Variants in RYR2 observed in about 807,000 individuals in gnomAD.
The protein encoded by RYR2 is ryanodine receptor 2.
In RYR2, 227 loss-of-function variants were observed where a neutral mutation model predicts 601.1. The observed-to-expected ratio is 0.38, with a 90% confidence interval of 0.34 to 0.42. The LOEUF (loss-of-function observed/expected upper bound fraction) is 0.42, where lower values mean the gene tolerates loss of function less well. RYR2 is among the 10% of genes least tolerant of loss of function. The probability of loss-of-function intolerance (pLI) is 1.00; values close to 1 mark genes in which losing one functional copy is unlikely to be tolerated. For synonymous variants in RYR2, 2,223 were observed against 2,175.1 expected, an observed-to-expected ratio of 1.02 and a Z score of -0.61; for missense variants, 4,646 against 6,156.5, an observed-to-expected ratio of 0.75 and a Z score of 8.21.
chr1:237,220,165 G>A (rs555259525), intron 1 of RYR2, among the ~76,000 whole-genome samples: 3,113 of 152,272 alleles, frequency 0.02, 98 homozygotes, highest in African/African-American at 0.069. Flanking sequence ...AGATTGACGT[G>A]AGAGTCAGAG....
intron 80 of RYR2, 60 bp from the exon 81 acceptor site, chr1:237,756,228 T>C: frequency 1.8e-6 from 2 of 1,099,864 alleles, no homozygotes; most frequent in Non-Finnish European, 2.8e-6. Flanking sequence ...AAATATGGTC[T>C]GTAGAAATCT....
intron 2 of RYR2, among the ~76,000 whole-genome samples, chr1:237,288,191 C>T (rs1437762210): frequency 6.6e-6 from 1 of 152,158 alleles, no homozygotes; most frequent in African/African-American, 2.4e-5. Context: ...GCTGTGGATA[C>T]AAGTGTCTGT....
rs189920565 is a variant in RYR2 at position 237,086,319 on chromosome 1, T to C, written c.48+43750T>C. ...GTATCTGTGTCCTAATCTCTTCTTC[T>C]TCTAAGCTCACTAGTCATATTGGAT... On this transcript the variant is annotated intron_variant, in intron 1 of 104. Transcript: ENST00000366574. Among the ~76,000 whole-genome samples the C allele has an allele frequency of 1.5e-3, 230 of 152,320 alleles. 5 individuals carry two copies. The highest frequency in any genetic ancestry group is 5.3e-3 in the African/African-American group (222 of 41,580).
intron 98 of RYR2, among the ~76,000 whole-genome samples, chr1:237,805,795 A>T (rs991643262): frequency 2.6e-5 from 4 of 151,978 alleles, no homozygotes; most frequent in African/African-American, 9.7e-5. Flanking sequence ...TTGTGTTGGG[A>T]ACATTTAATA....
intron 62 of RYR2, among the ~76,000 whole-genome samples, chr1:237,681,773 A>G (rs1004506377): frequency 6.6e-6 from 1 of 151,928 alleles, no homozygotes; most frequent in Admixed American, 6.6e-5. Flanking sequence ...CTCCCTCATC[A>G]TTTCATAAGC....
chr1:237,428,491 A>C (rs1706441881), intron 12 of RYR2, among the ~76,000 whole-genome samples: 1 of 152,022 alleles, frequency 6.6e-6, no homozygotes, highest in African/African-American at 2.4e-5. Context: ...GCAAACTAAC[A>C]CAGGAACAGA....
At chr1:237,582,438 C>T (rs904842820) in intron 29 of RYR2, among the ~76,000 whole-genome samples, 1 of 149,838 alleles carries the variant, frequency 6.7e-6, no homozygotes, top group Non-Finnish European at 1.5e-5. Flanking sequence ...AAAAAAAAAT[C>T]AACTTTGATT....
chr1:237,798,564 G>T (rs1170313113), intron 97 of RYR2, among the ~76,000 whole-genome samples: 1 of 152,082 alleles, frequency 6.6e-6, no homozygotes, highest in Non-Finnish European at 1.5e-5. Flanking sequence ...GAACTATGTA[G>T]CCCTTGTATT....
intron 16 of RYR2, among the ~76,000 whole-genome samples, chr1:237,465,649 T>TGTGCTATACGGGATGGCCTACTGCAC (rs1558865871): frequency 9.9e-5 from 15 of 151,962 alleles, no homozygotes; most frequent in African/African-American, 3.6e-4. Context: ...GCCTACTGCA[T>TGTGCTATACGGGATGGCCTACTGCAC]GGCTATGCTA....
intron 100 of RYR2, among the ~76,000 whole-genome samples, chr1:237,815,118 A>T (rs1190398801): frequency 6.6e-6 from 1 of 151,964 alleles, no homozygotes; most frequent in African/African-American, 2.4e-5. Context: ...CACAGACTAT[A>T]ACATCTTGGA....
intron 1 of RYR2, among the ~76,000 whole-genome samples, chr1:237,050,933 CAAAG>C (rs1419065113): frequency 6.6e-6 from 1 of 152,126 alleles, no homozygotes; most frequent in African/African-American, 2.4e-5. Context: ...ATTTCATAAT[CAAAG>C]AAACTTTACA....
At chr1:237,586,638 C>T (rs1434127436) in intron 29 of RYR2, among the ~76,000 whole-genome samples, 1 of 152,200 alleles carries the variant, frequency 6.6e-6, no homozygotes, top group Non-Finnish European at 1.5e-5. Flanking sequence ...ACCTTCCTGA[C>T]TCCCATCTCT....
At chr1:237,519,909 G>T (rs1446260460) in intron 24 of RYR2, among the ~76,000 whole-genome samples, 1 of 148,118 alleles carries the variant, frequency 6.8e-6, no homozygotes, top group Admixed American at 6.9e-5. Context: ...TCAGATTTTT[G>T]ATCATGGGCT....
chr1:237,734,763 A>G (rs1690993113), intron 79 of RYR2, among the ~76,000 whole-genome samples: 2 of 152,250 alleles, frequency 1.3e-5, no homozygotes, highest in Admixed American at 1.3e-4. Flanking sequence ...AGAGAGAAGA[A>G]GGCAAAGTAA....
At chr1:237,148,212 A>G (rs1674227955) in intron 1 of RYR2, among the ~76,000 whole-genome samples, 1 of 152,080 alleles carries the variant, frequency 6.6e-6, no homozygotes, top group Non-Finnish European at 1.5e-5. Context: ...CTCTCTTTTT[A>G]AAAGGAGATT....
rs758325281 is a variant in RYR2 at position 237,098,379 on chromosome 1, T to TTGTGTG, written c.48+55812_48+55817dup. Among the ~76,000 whole-genome samples the TTGTGTG allele has an allele frequency of 4.0e-3, 237 of 58,796 alleles. 4 individuals are homozygous for TTGTGTG. The highest frequency in any genetic ancestry group is 6.9e-3 in the African/African-American group (189 of 27,554). The allele number at this position is 58,796 out of a possible 152,430, so 38.6% of individuals were successfully genotyped here. On this transcript the variant is annotated intron_variant, in intron 1 of 104. Coordinates refer to ENST00000366574, the MANE Select transcript of RYR2 (RefSeq NM_001035.3). ...TATCCATCACCTCACATAGTTGCCA[T>TTGTGTG]TGTGTGTATGTGTGTGTGTGTGTGT...
intron 1 of RYR2, among the ~76,000 whole-genome samples, chr1:237,126,543 GC>G (rs1398458007): frequency 6.6e-6 from 1 of 152,058 alleles, no homozygotes; most frequent in African/African-American, 2.4e-5. Flanking sequence ...GCAGTCTGAG[GC>G]TCCTTCTCCA....
Position 237,833,188 on chromosome 1 carries a change from T to C in RYR2, c.*541T>C, listed in dbSNP as rs1317727547. ...TCTTTATTTTCTTTATGTCGACCTT[T>C]CTTTTCTTAGATTGATTTTGTGAGG... On this transcript the variant is annotated 3_prime_UTR_variant, in exon 105 of 105. Transcript: ENST00000366574. The C allele has an allele frequency of 6.6e-6, 1 of 152,046 alleles. No homozygotes were observed. The highest frequency in any genetic ancestry group is 1.9e-4 in the East Asian group (1 of 5,168). The allele number at this position is 152,046 out of a possible 1,614,324, so 9.4% of individuals were successfully genotyped here.
intron 3 of RYR2, among the ~76,000 whole-genome samples, chr1:237,338,375 CA>C (rs1159891370): frequency 3.3e-5 from 5 of 151,952 alleles, no homozygotes; most frequent in Non-Finnish European, 7.4e-5. Context: ...TCTGAGTTTC[CA>C]GTAGTTAATC....
Sources: gnomAD v4.1 joint callset for allele counts (sites outside exome capture counted in the v4.1 genomes callset) on GRCh38, gnomAD v4.1.1 for gene constraint, MANE v1.5 for transcripts, NCBI Gene and HGNC (gene_info 2026-07-23, HGNC 2026-07-21) for gene names.